The following C11orf97 variants were observed in gnomAD, a reference collection of about 807,000 sequenced individuals.
C11orf97 encodes chromosome 11 open reading frame 97.
C11orf97 carries 15 observed loss-of-function variants against 16.2 expected under a neutral mutation model. The ratio of observed to expected loss-of-function variants is 0.93; its 90% CI spans 0.62 to 1.43. The LOEUF is 1.43. C11orf97 is among the 40% of genes most tolerant of loss of function. The pLI is 0.00. For missense variants in C11orf97, 171 were observed against 161.2 expected (o/e 1.06, Z -0.33); for synonymous variants, 61 against 65.7 (o/e 0.93, Z 0.34).
chr11:94,512,889 A>T (rs1289615462), intron 1 of C11orf97, among the ~76,000 whole-genome samples: 1 of 152,156 alleles, frequency 6.6e-6, no homozygotes, highest in Non-Finnish European at 1.5e-5. Context: ...GCCTGAATTC[A>T]GGGTCTGGGC....
At chr11:94,516,209 A>C (rs1290511396) in intron 1 of C11orf97, among the ~76,000 whole-genome samples, 1 of 152,226 alleles carries the variant, frequency 6.6e-6, no homozygotes, top group Non-Finnish European at 1.5e-5. Context: ...GCCAGTCTGC[A>C]TCCCCGTCAA....
chr11:94,530,062 A>G (rs1417620112), intron 3 of C11orf97, among the ~76,000 whole-genome samples: 2 of 152,242 alleles, frequency 1.3e-5, no homozygotes, highest in Non-Finnish European at 2.9e-5. Flanking sequence ...TTATTTAAAG[A>G]CATACAAGTC....
At chr11:94,515,960 A>T (rs514292) in intron 1 of C11orf97, among the ~76,000 whole-genome samples, 87,796 of 151,696 alleles carry the variant, frequency 0.58, 25,689 homozygotes, top group African/African-American at 0.63. Context: ...CTTCCTAGCC[A>T]AGTTTGTGAA....
rs1201136108 is a variant in C11orf97, at chr11:94,517,701, CAAAT to C, written c.250+15_250+18del. The C allele has an allele frequency of 1.3e-5, 19 of 1,461,746 alleles. No individual in the cohort carries two copies. The highest frequency in any genetic ancestry group is 1.6e-5 in the Non-Finnish European group (17 of 1,091,842). 90.5% of individuals were successfully genotyped at this position (1,461,746 alleles called of 1,614,324 possible). A position where few individuals can be genotyped will look rare whatever the true frequency, so the allele number is the denominator to read the frequency against. On this transcript the variant is annotated intron_variant, in intron 2 of 3. Transcript: ENST00000542198. ...ATCCAGCTGCAGGTAATCTCAGTGA[CAAAT>C]GAAGTATGTTTGTGAAATGAATATG...
chr11:94,525,969 G>A (rs184897593), intron 2 of C11orf97, among the ~76,000 whole-genome samples: 2 of 152,318 alleles, frequency 1.3e-5, no homozygotes, highest in African/African-American at 4.8e-5. Flanking sequence ...GGAGGCATGA[G>A]AAGGGAAGAG....
intron 3 of C11orf97, among the ~76,000 whole-genome samples, chr11:94,529,017 C>T (rs1409125451): frequency 6.6e-6 from 1 of 152,148 alleles, no homozygotes; most frequent in African/African-American, 2.4e-5. Flanking sequence ...CAGTGGCTCA[C>T]ACCTGTAATC....
At chr11:94,522,572 T>G (rs924976322) in intron 2 of C11orf97, among the ~76,000 whole-genome samples, 1 of 151,918 alleles carries the variant, frequency 6.6e-6, no homozygotes, top group Non-Finnish European at 1.5e-5. Flanking sequence ...AATTGACACC[T>G]CTCCCCGACT....
intron 3 of C11orf97, among the ~76,000 whole-genome samples, chr11:94,529,207 C>T (rs1421397423): frequency 6.6e-6 from 1 of 152,098 alleles, no homozygotes; most frequent in Non-Finnish European, 1.5e-5. Flanking sequence ...GAGCCAAGTG[C>T]CCACGAGCTA....
At chr11:94,517,503 ATTG>A (rs1947620445) in intron 1 of C11orf97, 77 bp from the exon 2 acceptor site, 1 of 726,468 alleles carries the variant, frequency 1.4e-6, no homozygotes. Context: ...TTTTAAAAAA[ATTG>A]TTATCATGTA....
chr11:94,525,947 G>A (rs1217177987), intron 2 of C11orf97, among the ~76,000 whole-genome samples: 4 of 152,220 alleles, frequency 2.6e-5, no homozygotes, highest in Non-Finnish European at 5.9e-5. Flanking sequence ...AGGTTTCTGA[G>A]TAGAAGGTGT....
In C11orf97 at chr11:94,531,977, T is replaced by G. The variant is rs1947742763; in HGVS notation, c.*77T>G. The G allele has an allele frequency of 1.6e-6, 2 of 1,266,090 alleles. No individual in the cohort carries two copies. Among genetic ancestry groups the G allele is most frequent in the South Asian group, 1.6e-5 (1 of 61,764 alleles). The allele number at this position is 1,266,090 out of a possible 1,614,324, so 78.4% of individuals were successfully genotyped here. On this transcript the variant is annotated 3_prime_UTR_variant, in exon 4 of 4. Coordinates refer to ENST00000542198, the MANE Select transcript of C11orf97 (RefSeq NM_001190462.2). ...GAACGGAGAAGAAACTCAAGCTTGT[T>G]TCAGGATTTAAGATGTGTGCAAAAA...
intron 3 of C11orf97, 74 bp downstream of exon 3, chr11:94,528,283 G>T (rs1274432382): frequency 8.3e-6 from 11 of 1,325,606 alleles, no homozygotes; most frequent in Non-Finnish European, 1.1e-5. Flanking sequence ...AGTGGTATAT[G>T]CTCTGTTTAA....
intron 1 of C11orf97, 29 bp downstream of exon 1, chr11:94,512,702 C>A (rs1451988058): frequency 8.1e-7 from 1 of 1,235,802 alleles, no homozygotes; most frequent in Non-Finnish European, 1.0e-6. Flanking sequence ...GCGGACGCTA[C>A]TGGGAGGAGG....
intron 2 of C11orf97, among the ~76,000 whole-genome samples, chr11:94,523,102 T>C (rs1039187371): frequency 6.6e-6 from 1 of 152,188 alleles, no homozygotes; most frequent in African/African-American, 2.4e-5. Context: ...AAAAAATTGT[T>C]TCTCTTGTAT....
intron 2 of C11orf97, among the ~76,000 whole-genome samples, chr11:94,523,024 T>G (rs1046286237): frequency 5.9e-5 from 9 of 152,158 alleles, no homozygotes; most frequent in African/African-American, 2.2e-4. Context: ...CCCACTCCAG[T>G]GGGAAACATC....
chr11:94,530,361 C>A (rs1288899629), intron 3 of C11orf97, among the ~76,000 whole-genome samples: 2 of 152,188 alleles, frequency 1.3e-5, no homozygotes, highest in African/African-American at 4.8e-5. Context: ...ATATGAGCTG[C>A]TACTATCTGC....
chr11:94,525,038 G>T (rs2135183170), intron 2 of C11orf97, among the ~76,000 whole-genome samples: 1 of 147,016 alleles, frequency 6.8e-6, no homozygotes, highest in South Asian at 2.1e-4. Context: ...CAGCTTGGAT[G>T]ATGGAGCAAG....
In C11orf97 at chr11:94,528,160, C is replaced by T; in HGVS notation, c.327C>T (p.Asn109=). 1.3e-6 allele frequency: 2 copies of T among 1,535,998 alleles called. No individual in the cohort carries two copies. The highest frequency in any genetic ancestry group is 1.7e-6 in the Non-Finnish European group (2 of 1,146,826). Residue 109 remains asparagine (N), a synonymous_variant, in exon 3 of 4, where the codon AAC becomes AAT. Coordinates refer to ENST00000542198, the MANE Select transcript of C11orf97 (RefSeq NM_001190462.2). ...TGAAGCCAGGACTGCCGAGCAGAAA[C>T]AGTTTATTGCCACAAGCCAAGTACT... ...GGLKPGLPSR[N]SLLPQAKYYS...
intron 2 of C11orf97, among the ~76,000 whole-genome samples, chr11:94,523,299 A>G (rs1025994060): frequency 6.6e-6 from 1 of 152,208 alleles, no homozygotes; most frequent in African/African-American, 2.4e-5. Context: ...TAGGGACCCC[A>G]ACATATATGC....
Sources: allele counts gnomAD v4.1 joint callset (sites outside exome capture counted in the v4.1 genomes callset), GRCh38; gene constraint gnomAD v4.1.1; transcripts MANE v1.5; gene names NCBI Gene and HGNC (gene_info 2026-07-23, HGNC 2026-07-21).